Variants in TBXAS1 observed in about 807,000 individuals in gnomAD.
TBXAS1 encodes the protein thromboxane A synthase 1.
TBXAS1 carries 48 observed loss-of-function variants against 60.7 expected under a neutral mutation model. The ratio of observed to expected loss-of-function variants is 0.79; its 90% CI spans 0.63 to 1.01. The LOEUF (loss-of-function observed/expected upper bound fraction) is 1.01. Ranked by LOEUF, TBXAS1 falls within the 50% of genes least tolerant of loss-of-function variation. The pLI, the probability that TBXAS1 is intolerant of heterozygous loss-of-function variation, is 0.00. For synonymous variants in TBXAS1, 287 were observed against 269.7 expected, an observed-to-expected ratio of 1.06 and a Z score of -0.63; for missense variants, 685 against 686.3, an observed-to-expected ratio of 1.00 and a Z score of 0.02.
chr7:139,915,198 G>T (rs1371579418), intron 4 of TBXAS1, among the ~76,000 whole-genome samples: 1 of 152,046 alleles, frequency 6.6e-6, no homozygotes, highest in East Asian at 1.9e-4. Context: ...CTTTAAAGTG[G>T]GATTTTCTCA....
chr7:139,946,063 T>G (rs1224418614), intron 5 of TBXAS1, among the ~76,000 whole-genome samples: 1 of 152,236 alleles, frequency 6.6e-6, no homozygotes, highest in African/African-American at 2.4e-5. Flanking sequence ...CCAGGCATGG[T>G]GGCTCATGCC....
At chr7:139,919,621 C>T (rs1050349752) in intron 4 of TBXAS1, among the ~76,000 whole-genome samples, 3 of 152,170 alleles carry the variant, frequency 2.0e-5, no homozygotes, top group African/African-American at 7.2e-5. Flanking sequence ...TACATGAACC[C>T]GGTTACAGCA....
Position 139,861,935 on chromosome 7 carries a change from A to G in TBXAS1, c.90-10300A>G, listed in dbSNP as rs573954826. On this transcript the variant is annotated intron_variant, in intron 1 of 12. Coordinates refer to ENST00000448866, the MANE Select transcript of TBXAS1 (RefSeq NM_001061.7). ...CCAGGCATCACGTTGCCCAAAGTAA[A>G]TGAGGTGGGGATGTATAATCCTCCA... 1.5e-4 allele frequency among the ~76,000 whole-genome samples: 23 copies of G among 152,244 alleles called. No homozygotes were observed. In the East Asian group the frequency reaches 4.1e-3, roughly 27 times the overall value.
At chr7:140,009,305 G>C (rs1393370895) in intron 10 of TBXAS1, among the ~76,000 whole-genome samples, 2 of 152,160 alleles carry the variant, frequency 1.3e-5, no homozygotes, top group Admixed American at 1.3e-4. Flanking sequence ...TCTTGGCCCT[G>C]GCCTTGGCAT....
chr7:139,996,498 GGGT>G (rs2117634543), intron 9 of TBXAS1, among the ~76,000 whole-genome samples: 1 of 152,296 alleles, frequency 6.6e-6, no homozygotes, highest in African/African-American at 2.4e-5. Context: ...CACCCAGGTG[GGGT>G]GGTGGAGGGG....
intron 11 of TBXAS1, chr7:140,016,953 C>T (rs1815128294): frequency 6.5e-6 from 1 of 152,808 alleles, no homozygotes; most frequent in Non-Finnish European, 1.5e-5. Flanking sequence ...CACAATAAAG[C>T]CCAGGGGTAG....
intron 10 of TBXAS1, among the ~76,000 whole-genome samples, chr7:140,011,836 C>CTATATATA (rs3831720): frequency 6.6e-6 from 1 of 150,440 alleles, no homozygotes; most frequent in African/African-American, 2.4e-5. Flanking sequence ...ATTTTATGTT[C>CTATATATA]TATATATATA....
At chr7:139,900,228 A>G (rs1291026763) in intron 3 of TBXAS1, among the ~76,000 whole-genome samples, 1 of 152,220 alleles carries the variant, frequency 6.6e-6, no homozygotes, top group Non-Finnish European at 1.5e-5. Flanking sequence ...AATTTGTAGG[A>G]ATTATAGGAT....
At chr7:139,869,009 G>A (rs13240813) in intron 1 of TBXAS1, among the ~76,000 whole-genome samples, 4 of 151,960 alleles carry the variant, frequency 2.6e-5, no homozygotes, top group Non-Finnish European at 5.9e-5. Context: ...GTGTTGCCCA[G>A]GCTGGTCTCA....
intron 11 of TBXAS1, 124 bp downstream of exon 11, chr7:140,015,984 A>T (rs1815011391): frequency 7.5e-7 from 1 of 1,335,212 alleles, no homozygotes; most frequent in African/African-American, 1.4e-5. Flanking sequence ...GTCAAAAGTT[A>T]TGGCAATTCA....
chr7:139,917,873 C>A (rs1161386607), intron 4 of TBXAS1, among the ~76,000 whole-genome samples: 1 of 152,096 alleles, frequency 6.6e-6, no homozygotes, highest in Non-Finnish European at 1.5e-5. Context: ...AAAGCTTGCT[C>A]TGATATTTAT....
In TBXAS1 at chr7:139,809,481, A is replaced by G. The variant is rs183031688; in HGVS notation, c.-79-19831A>G. Among the ~76,000 whole-genome samples the G allele has an allele frequency of 5.3e-5, 8 of 152,256 alleles. No homozygotes were observed. In the East Asian group the frequency reaches 9.6e-4, roughly 18 times the overall value. ...TATTTGGGGAATTGGCTCACAAACT[A>G]TGGAGGCTGAGAAGTCCCATGATAG... On this transcript the variant is annotated intron_variant, in intron 4 of 16. Coordinates refer to the TBXAS1 transcript ENST00000336425.
intron 5 of TBXAS1, among the ~76,000 whole-genome samples, chr7:139,941,824 T>A (rs764108346): frequency 6.6e-6 from 1 of 152,160 alleles, no homozygotes; most frequent in Non-Finnish European, 1.5e-5. Context: ...AATAAATAGG[T>A]TTAATTTCAG....
chr7:139,991,956 G>C lies in TBXAS1; in HGVS notation c.1135-15135G>C, dbSNP rs1812940236. 3.9e-5 allele frequency among the ~76,000 whole-genome samples: 6 copies of C among 152,362 alleles called. No homozygotes were observed. The South Asian group carries it at 1.2e-3, about 32-fold the overall frequency. ...GACCCTTCCCATTCCCTGAGAGATG[G>C]AGTATGGGTCTCACTTGCAGGGGAG... On this transcript the variant is annotated intron_variant, in intron 9 of 12. Coordinates refer to ENST00000448866, the MANE Select transcript of TBXAS1 (RefSeq NM_001061.7).
intron 11 of TBXAS1, among the ~76,000 whole-genome samples, chr7:140,016,139 T>G (rs7781159): frequency 6.6e-6 from 1 of 151,968 alleles, no homozygotes; most frequent in Non-Finnish European, 1.5e-5. Context: ...CCATCCTGGC[T>G]AACACGGTGA....
intron 1 of TBXAS1, among the ~76,000 whole-genome samples, chr7:139,832,961 T>A (rs1450587181): frequency 6.6e-6 from 1 of 151,962 alleles, no homozygotes; most frequent in Non-Finnish European, 1.5e-5. Flanking sequence ...TAAAAGGAGC[T>A]CCAAATCTTG....
chr7:139,911,605 C>T (rs891420526), intron 4 of TBXAS1, among the ~76,000 whole-genome samples: 1 of 152,158 alleles, frequency 6.6e-6, no homozygotes, highest in African/African-American at 2.4e-5. Flanking sequence ...AAGCTGGGTT[C>T]AAAGCCGGGG....
intron 4 of TBXAS1, among the ~76,000 whole-genome samples, chr7:139,810,622 G>T (rs1019623838): frequency 8.3e-4 from 127 of 152,274 alleles, no homozygotes; most frequent in Non-Finnish European, 4.9e-4. Flanking sequence ...TAACTGCATA[G>T]TCTTCTTTCT....
Position 139,911,251 on chromosome 7 carries a change from T to C in TBXAS1, c.263T>C (p.Ile88Thr), listed in dbSNP as rs184269562. ...TACTATCTTGGTCGTCGGATGTTTATTGTTATTTCTGAGCCAGACATGATC... is the reference window on the plus strand; with the variant it reads ...TACTATCTTGGTCGTCGGATGTTTACTGTTATTTCTGAGCCAGACATGATC... Reference protein sequence around the residue: ...CGYYLGRRMFIVISEPDMIKQ... With the variant: ...CGYYLGRRMFTVISEPDMIKQ... Residue 88 changes from isoleucine to threonine, a missense_variant, in exon 4 of 13, where the codon ATT becomes ACT. Transcript: ENST00000448866. 835 of 1,614,212 alleles carry C rather than the reference T, an allele frequency of 5.2e-4. 3 individuals carry two copies. The highest frequency in any genetic ancestry group is 6.8e-4 in the Non-Finnish European group (804 of 1,180,032).
Sources: gnomAD v4.1 joint callset for allele counts (sites outside exome capture counted in the v4.1 genomes callset) on GRCh38, gnomAD v4.1.1 for gene constraint, MANE v1.5 for transcripts, NCBI Gene and HGNC (gene_info 2026-07-23, HGNC 2026-07-21) for gene names.